The following CSMD1 variants were observed in gnomAD, a reference collection of about 807,000 sequenced individuals.
CSMD1 encodes CUB and Sushi multiple domains 1, also known as CUB and sushi domain-containing protein 1.
CSMD1 carries 213 observed loss-of-function variants against 417.5 expected under a neutral mutation model. The ratio of observed to expected loss-of-function variants is 0.51; its 90% CI spans 0.46 to 0.57. The LOEUF (loss-of-function observed/expected upper bound fraction) is 0.57. Ranked by LOEUF, CSMD1 falls within the 20% of genes least tolerant of loss-of-function variation. CSMD1 has a pLI of 0.00. For missense variants in CSMD1, 6,923 were observed against 4,529.7 expected (o/e 1.53, Z -15.17); for synonymous variants, 2,862 against 1,736.8 (o/e 1.65, Z -16.11).
intron 4 of CSMD1, among the ~76,000 whole-genome samples, chr8:4,025,819 G>C (rs371608776): frequency 1.3e-5 from 2 of 152,048 alleles, no homozygotes; most frequent in African/African-American, 2.4e-5. Context: ...ATTTAGTTCT[G>C]TTAATTATTT....
chr8:3,309,907 G>T (rs1006853323), intron 23 of CSMD1, among the ~76,000 whole-genome samples: 1 of 152,152 alleles, frequency 6.6e-6, no homozygotes, highest in African/African-American at 2.4e-5. Context: ...TGCACTCAGT[G>T]ACTAAGAAAA....
intron 1 of CSMD1, among the ~76,000 whole-genome samples, chr8:4,699,762 G>C (rs981036972): frequency 2.6e-5 from 4 of 152,178 alleles, no homozygotes; most frequent in African/African-American, 7.2e-5. Flanking sequence ...GTGTTTCATG[G>C]TTAGTTTGTC....
At chr8:4,577,593 C>T (rs1041348040) in intron 2 of CSMD1, among the ~76,000 whole-genome samples, 2 of 152,290 alleles carry the variant, frequency 1.3e-5, no homozygotes, top group Middle Eastern at 6.8e-3. Context: ...CAGGCAGGAT[C>T]CAGTATCTCT....
intron 2 of CSMD1, among the ~76,000 whole-genome samples, chr8:4,477,256 C>T (rs1412890151): frequency 6.6e-6 from 1 of 152,208 alleles, no homozygotes; most frequent in Non-Finnish European, 1.5e-5. Context: ...AGAGCCACTG[C>T]AGCTCCCACT....
rs73660045 is a variant in CSMD1, at chr8:3,475,919, A to G, written c.1449-7095T>C. ...GAAAGCTTAATGACAACCATAAGAT[A>G]CAGTAACTTTATGATGTTTTGGTTA... On this transcript the variant is annotated intron_variant, in intron 11 of 69. Transcript: ENST00000635120. Among the ~76,000 whole-genome samples the G allele has an allele frequency of 6.6e-3, 999 of 152,362 alleles. 14 individuals are homozygous for G. The highest frequency in any genetic ancestry group is 0.022 in the African/African-American group (915 of 41,586).
intron 1 of CSMD1, among the ~76,000 whole-genome samples, chr8:4,752,102 T>C (rs1304331221): frequency 1.3e-5 from 2 of 152,112 alleles, no homozygotes; most frequent in African/African-American, 4.8e-5. Flanking sequence ...TGTACATGTA[T>C]CACATATATA....
At chr8:4,196,436 C>T (rs1422879153) in intron 3 of CSMD1, among the ~76,000 whole-genome samples, 1 of 152,156 alleles carries the variant, frequency 6.6e-6, no homozygotes, top group African/African-American at 2.4e-5. Flanking sequence ...ACAGTCCTTT[C>T]TGAAGCCTCT....
At chr8:3,429,753 A>G (rs1214123608) in intron 12 of CSMD1, among the ~76,000 whole-genome samples, 2 of 152,200 alleles carry the variant, frequency 1.3e-5, no homozygotes, top group Admixed American at 1.3e-4. Flanking sequence ...TCTATGAAAT[A>G]AAGTCTATGG....
chr8:4,827,518 T>A (rs1799904213), intron 1 of CSMD1, among the ~76,000 whole-genome samples: 1 of 152,184 alleles, frequency 6.6e-6, no homozygotes, highest in South Asian at 2.1e-4. Context: ...TATTCTAAAA[T>A]TTTCCACCAA....
At chr8:4,654,772 C>T (rs1203144229) in intron 1 of CSMD1, among the ~76,000 whole-genome samples, 3 of 152,030 alleles carry the variant, frequency 2.0e-5, no homozygotes, top group African/African-American at 4.8e-5. Context: ...TGGGTCCCTT[C>T]TGTGTACACA....
At chr8:3,991,000 T>C (rs1344976260) in intron 5 of CSMD1, among the ~76,000 whole-genome samples, 1 of 152,280 alleles carries the variant, frequency 6.6e-6, no homozygotes, top group Admixed American at 6.5e-5. Flanking sequence ...AAAACACACC[T>C]GACAAAAACC....
In CSMD1 at chr8:4,270,982, C is replaced by CAG. The variant is rs1804552903; in HGVS notation, c.415+148970_415+148971insCT. On this transcript the variant is annotated intron_variant, in intron 3 of 69. Transcript: ENST00000635120. The stretch of plus-strand genomic sequence containing the variant: ...AAACTGTCACCGCGTTCACTCTTTA[C>CAG]TGAGATTGCATTTTAAATTGTTATG... Among the ~76,000 whole-genome samples, 3 of 152,168 alleles carry CAG rather than the reference C, an allele frequency of 2.0e-5. No individual in the cohort carries two copies. The South Asian group carries it at 6.2e-4, about 31-fold the overall frequency.
chr8:4,718,607 T>C (rs886216870), intron 1 of CSMD1, among the ~76,000 whole-genome samples: 2 of 152,078 alleles, frequency 1.3e-5, no homozygotes, highest in Admixed American at 1.3e-4. Context: ...TATAGTACGA[T>C]TGAATTTTGA....
chr8:2,938,409 T>C lies in CSMD1; in HGVS notation c.*176A>G. 3.3e-6 allele frequency: 2 copies of C among 598,548 alleles called. No homozygotes were observed. Among genetic ancestry groups the C allele is most frequent in the Non-Finnish European group, 5.7e-6 (2 of 351,896 alleles). 37.1% of individuals were successfully genotyped at this position (598,548 alleles called of 1,614,324 possible). A position where few individuals can be genotyped will look rare whatever the true frequency, so the allele number is the denominator to read the frequency against. Reference sequence around the variant, plus strand: ...GAAAACGCATGTGTAGTTTGATCCGTAGAAGACCCTGACACATTTGAGTAG... The same window carrying C: ...GAAAACGCATGTGTAGTTTGATCCGCAGAAGACCCTGACACATTTGAGTAG... On this transcript the variant is annotated 3_prime_UTR_variant, in exon 70 of 70. Coordinates refer to ENST00000635120, the MANE Select transcript of CSMD1 (RefSeq NM_033225.6).
chr8:3,930,053 G>T (rs949854864), intron 5 of CSMD1, among the ~76,000 whole-genome samples: 1 of 150,170 alleles, frequency 6.7e-6, no homozygotes, highest in Non-Finnish European at 1.5e-5. Context: ...CTCTGAGAGG[G>T]GGTATGTGTT....
At chr8:4,903,028 TAAATAAATAATAAAC>T (rs1335289276) in intron 1 of CSMD1, among the ~76,000 whole-genome samples, 1 of 91,922 alleles carries the variant, frequency 1.1e-5, no homozygotes, top group Non-Finnish European at 2.7e-5. Flanking sequence ...AATAAATAAA[TAAATAAATAATAAAC>T]TAAATAATAA....
chr8:2,996,286 A>G (rs1208250260), intron 54 of CSMD1, among the ~76,000 whole-genome samples: 1 of 152,242 alleles, frequency 6.6e-6, no homozygotes, highest in African/African-American at 2.4e-5. Flanking sequence ...GTAATTTACC[A>G]TGTTAAAACA....
chr8:3,611,017 G>A (rs904017576), intron 8 of CSMD1, among the ~76,000 whole-genome samples: 14 of 144,646 alleles, frequency 9.7e-5, no homozygotes, highest in Admixed American at 2.9e-4. Context: ...TCACTCATAG[G>A]TGGGAACTGA....
At chr8:4,623,725 A>C (rs1801917651) in intron 2 of CSMD1, among the ~76,000 whole-genome samples, 7 of 152,044 alleles carry the variant, frequency 4.6e-5, no homozygotes, top group African/African-American at 1.5e-4. Context: ...AGTTAGGCAT[A>C]TACAGATGTG....
Sources: allele counts gnomAD v4.1 joint callset (sites outside exome capture counted in the v4.1 genomes callset), GRCh38; gene constraint gnomAD v4.1.1; transcripts MANE v1.5; gene names NCBI Gene and HGNC (gene_info 2026-07-23, HGNC 2026-07-21).